NXPH1: variants seen among roughly 807,000 people sequenced by gnomAD.
The protein encoded by NXPH1 is neurexophilin 1.
Under a neutral mutation model 23.7 loss-of-function variants are expected in NXPH1, and 5 were observed. That is an observed-to-expected ratio of 0.21 (90% CI 0.11 to 0.44). NXPH1 has a LOEUF of 0.44. Ranked by LOEUF, NXPH1 falls within the 20% of genes least tolerant of loss-of-function variation. The probability of loss-of-function intolerance (pLI) is 0.99; values close to 1 mark genes in which losing one functional copy is unlikely to be tolerated. For missense variants in NXPH1, 324 were observed against 321.6 expected, an observed-to-expected ratio of 1.01 and a Z score of -0.06; for synonymous variants, 144 against 122.2, an observed-to-expected ratio of 1.18 and a Z score of -1.18.
chr7:8,592,411 A>G (rs1819117930), intron 2 of NXPH1, among the ~76,000 whole-genome samples: 1 of 151,900 alleles, frequency 6.6e-6, no homozygotes. Flanking sequence ...CCATATTTCC[A>G]TTTTGTAGGG....
intron 2 of NXPH1, among the ~76,000 whole-genome samples, chr7:8,637,140 G>C (rs1029755138): frequency 2.6e-5 from 4 of 152,030 alleles, no homozygotes; most frequent in African/African-American, 9.7e-5. Flanking sequence ...GAAAATGGCA[G>C]GACCTTTGTC....
intron 2 of NXPH1, among the ~76,000 whole-genome samples, chr7:8,436,228 C>T (rs1816190612): frequency 6.6e-6 from 1 of 152,178 alleles, no homozygotes; most frequent in Non-Finnish European, 1.5e-5. Flanking sequence ...GGAGATGAGA[C>T]ACATAAAGAA....
chr7:8,564,293 G>A (rs1818501749), intron 2 of NXPH1, among the ~76,000 whole-genome samples: 1 of 151,748 alleles, frequency 6.6e-6, no homozygotes, highest in African/African-American at 2.4e-5. Flanking sequence ...TCTTAAACCA[G>A]CGTAGCAGTA....
At chr7:8,557,104 T>A (rs1818370316) in intron 2 of NXPH1, among the ~76,000 whole-genome samples, 2 of 151,774 alleles carry the variant, frequency 1.3e-5, no homozygotes, top group African/African-American at 2.4e-5. Flanking sequence ...CACAGAGATA[T>A]GAGAAATACC....
chr7:8,679,788 C>G (rs543703084), intron 2 of NXPH1, among the ~76,000 whole-genome samples: 108 of 152,314 alleles, frequency 7.1e-4, no homozygotes, highest in Non-Finnish European at 5.4e-4. Context: ...TTTGGGAGGC[C>G]AAGGTGGGCA....
At chr7:8,525,359 A>G (rs1165749291) in intron 2 of NXPH1, among the ~76,000 whole-genome samples, 1 of 152,226 alleles carries the variant, frequency 6.6e-6, no homozygotes, top group Non-Finnish European at 1.5e-5. Context: ...ATTCAGTTTT[A>G]TAAAAGAAGC....
At chr7:8,468,233 A>C (rs1816815703) in intron 2 of NXPH1, among the ~76,000 whole-genome samples, 1 of 152,112 alleles carries the variant, frequency 6.6e-6, no homozygotes, top group South Asian at 2.1e-4. Flanking sequence ...CATTAAAAAT[A>C]AAGTCAGACA....
intron 2 of NXPH1, among the ~76,000 whole-genome samples, chr7:8,689,250 G>A (rs917246621): frequency 2.0e-5 from 3 of 151,838 alleles, no homozygotes; most frequent in African/African-American, 7.3e-5. Flanking sequence ...GCTTCACTGA[G>A]CCTAGTCTTT....
chr7:8,463,884 A>G (rs1227755967), intron 2 of NXPH1, among the ~76,000 whole-genome samples: 3 of 152,152 alleles, frequency 2.0e-5, no homozygotes, highest in Non-Finnish European at 4.4e-5. Flanking sequence ...AATGTTGACT[A>G]TTGCTGGCAT....
chr7:8,576,209 T>C (rs1818752642), intron 2 of NXPH1, among the ~76,000 whole-genome samples: 1 of 152,166 alleles, frequency 6.6e-6, no homozygotes, highest in Admixed American at 6.5e-5. Flanking sequence ...GAAAACTCCA[T>C]TCATTTCATG....
intron 2 of NXPH1, among the ~76,000 whole-genome samples, chr7:8,732,099 A>G (rs931177368): frequency 5.3e-5 from 8 of 152,124 alleles, no homozygotes; most frequent in South Asian, 2.1e-4. Context: ...GAGTGACCCA[A>G]TTTTCCAGGT....
chr7:8,460,926 C>G (rs1333207596), intron 2 of NXPH1, among the ~76,000 whole-genome samples: 1 of 152,212 alleles, frequency 6.6e-6, no homozygotes, highest in Non-Finnish European at 1.5e-5. Flanking sequence ...CTGGCACTCA[C>G]TCAGTAGGGC....
intron 2 of NXPH1, among the ~76,000 whole-genome samples, chr7:8,637,357 G>A (rs886767335): frequency 1.3e-5 from 2 of 151,940 alleles, no homozygotes; most frequent in African/African-American, 4.8e-5. Flanking sequence ...TCAGTAGCTG[G>A]GACCACAGGC....
chr7:8,566,917 C>T (rs772360174), intron 2 of NXPH1, among the ~76,000 whole-genome samples: 1 of 151,704 alleles, frequency 6.6e-6, no homozygotes, highest in Non-Finnish European at 1.5e-5. Context: ...AACACTAATA[C>T]AGAAATCATC....
chr7:8,583,458 G>A (rs1818922112), intron 2 of NXPH1, among the ~76,000 whole-genome samples: 1 of 152,204 alleles, frequency 6.6e-6, no homozygotes, highest in South Asian at 2.1e-4. Flanking sequence ...TGAATTTTAA[G>A]TGAAGTAAGG....
rs560219856 is a variant in NXPH1, at chr7:8,654,172, A to C, written c.55-96836A>C. Among the ~76,000 whole-genome samples, 14 of 152,352 alleles carry C rather than the reference A, an allele frequency of 9.2e-5. 1 individual carries two copies. In the East Asian group the frequency reaches 1.2e-3, roughly 13 times the overall value. On this transcript the variant is annotated intron_variant, in intron 2 of 2. Transcript: ENST00000405863. Reference sequence around the variant, plus strand: ...AATTTCTTCTTCTATTTCTCTTAAGAAAATTCAGAATTAGTGTTGAAACTT... The same window carrying C: ...AATTTCTTCTTCTATTTCTCTTAAGCAAATTCAGAATTAGTGTTGAAACTT...
At chr7:8,495,843 G>T (rs1250707040) in intron 2 of NXPH1, among the ~76,000 whole-genome samples, 1 of 152,030 alleles carries the variant, frequency 6.6e-6, no homozygotes, top group Non-Finnish European at 1.5e-5. Flanking sequence ...CAGCAGGATA[G>T]ACATGGCTGC....
intron 2 of NXPH1, among the ~76,000 whole-genome samples, chr7:8,661,744 T>A (rs1820677852): frequency 6.6e-6 from 1 of 152,164 alleles, no homozygotes. Flanking sequence ...GATCAAAATT[T>A]TTCAAGTATA....
chr7:8,449,303 G>C (rs1786916646), intron 2 of NXPH1, among the ~76,000 whole-genome samples: 1 of 152,050 alleles, frequency 6.6e-6, no homozygotes, highest in Non-Finnish European at 1.5e-5. Context: ...CATTGCCCTG[G>C]GTATCCAAGA....
Sources: allele counts gnomAD v4.1 joint callset (sites outside exome capture counted in the v4.1 genomes callset), GRCh38; gene constraint gnomAD v4.1.1; transcripts MANE v1.5; gene names NCBI Gene and HGNC (gene_info 2026-07-23, HGNC 2026-07-21).